The following CTNNA1 variants were observed in gnomAD, a reference collection of about 807,000 sequenced individuals.
CTNNA1 encodes catenin alpha 1.
Under a neutral mutation model 98.4 loss-of-function variants are expected in CTNNA1, and 37 were observed. That is an observed-to-expected ratio of 0.38 (90% CI 0.29 to 0.49). The LOEUF is 0.49. Among genes scored for constraint, CTNNA1 ranks in the 20% least tolerant of loss-of-function variants. The pLI, the probability that CTNNA1 is intolerant of heterozygous loss-of-function variation, is 0.95. For synonymous variants in CTNNA1, 404 were observed against 413.2 expected (o/e 0.98, Z 0.27); for missense variants, 761 against 1,147.2 (o/e 0.66, Z 4.86).
At chr5:138,929,707 C>CTAT (rs1374465951) in intron 14 of CTNNA1, among the ~76,000 whole-genome samples, 3 of 152,218 alleles carry the variant, frequency 2.0e-5, no homozygotes, top group Non-Finnish European at 2.9e-5. Context: ...TGGGTATGAA[C>CTAT]TATTTAATTA....
At chr5:138,766,995 T>G (rs1282731474) in intron 1 of CTNNA1, among the ~76,000 whole-genome samples, 1 of 152,008 alleles carries the variant, frequency 6.6e-6, no homozygotes, top group East Asian at 1.9e-4. Flanking sequence ...ATAGGAAGAA[T>G]AAAGCTGAAC....
chr5:138,905,093 C>CAA (rs781709207), intron 10 of CTNNA1, among the ~76,000 whole-genome samples: 1,063 of 58,170 alleles, frequency 0.018, 32 homozygotes, highest in African/African-American at 0.056. Context: ...GACTCCGTCT[C>CAA]AAAAAAAAAA....
chr5:138,787,171 C>T (rs1378897529), intron 3 of CTNNA1, among the ~76,000 whole-genome samples: 1 of 152,224 alleles, frequency 6.6e-6, no homozygotes, highest in African/African-American at 2.4e-5. Flanking sequence ...TGGCTCACGC[C>T]TGTAATCCCA....
At chr5:138,867,643 T>C (rs1450434691) in intron 7 of CTNNA1, among the ~76,000 whole-genome samples, 1 of 152,160 alleles carries the variant, frequency 6.6e-6, no homozygotes, top group Non-Finnish European at 1.5e-5. Context: ...TTCTCTTCCT[T>C]CTCGGCCTAC....
Position 138,934,216 on chromosome 5 carries a change from A to G in CTNNA1, c.*127A>G. 2.9e-6 allele frequency: 2 copies of G among 686,730 alleles called. No homozygotes were observed. Among genetic ancestry groups the G allele is most frequent in the East Asian group, 2.7e-5 (1 of 36,830 alleles). The allele number at this position is 686,730 out of a possible 1,614,324, so 42.5% of individuals were successfully genotyped here. On this transcript the variant is annotated 3_prime_UTR_variant, in exon 18 of 18. Coordinates refer to ENST00000302763, the MANE Select transcript of CTNNA1 (RefSeq NM_001903.5). ...CACAGGGAAATGGGCAGACTGAACCAGTCCAGGTGGTGAATTTTCCAAGAA... is the reference window on the plus strand; with the variant it reads ...CACAGGGAAATGGGCAGACTGAACCGGTCCAGGTGGTGAATTTTCCAAGAA...
At chr5:138,840,496 T>C (rs1762184285) in intron 7 of CTNNA1, among the ~76,000 whole-genome samples, 1 of 152,240 alleles carries the variant, frequency 6.6e-6, no homozygotes, top group South Asian at 2.1e-4. Context: ...ATAATATAGT[T>C]TCTCCTTCAG....
intron 1 of CTNNA1, among the ~76,000 whole-genome samples, chr5:138,768,136 G>A (rs1753134618): frequency 6.6e-6 from 1 of 152,108 alleles, no homozygotes; most frequent in African/African-American, 2.4e-5. Context: ...TATTGCATTC[G>A]ATTGTCGTAT....
chr5:138,899,745 TCTC>T (rs1254274185), intron 9 of CTNNA1, among the ~76,000 whole-genome samples: 1 of 152,206 alleles, frequency 6.6e-6, no homozygotes, highest in African/African-American at 2.4e-5. Flanking sequence ...TCTCTGAAGT[TCTC>T]CTTTCTCTTT....
chr5:138,811,602 C>T (rs1004635008), intron 4 of CTNNA1, among the ~76,000 whole-genome samples: 1 of 152,106 alleles, frequency 6.6e-6, no homozygotes, highest in Non-Finnish European at 1.5e-5. Context: ...GCCGAGATCA[C>T]GCCACTGCAC....
At chr5:138,801,918 A>G (rs1341753278) in intron 3 of CTNNA1, among the ~76,000 whole-genome samples, 1 of 152,212 alleles carries the variant, frequency 6.6e-6, no homozygotes, top group African/African-American at 2.4e-5. Flanking sequence ...AGAACTACTT[A>G]GTGAAGGCAA....
intron 1 of CTNNA1, among the ~76,000 whole-genome samples, chr5:138,775,178 T>G (rs1019311264): frequency 6.6e-5 from 10 of 152,216 alleles, no homozygotes; most frequent in Admixed American, 6.5e-5. Flanking sequence ...GTGTTTTGTT[T>G]GTGTTAATGC....
chr5:138,820,892 G>A (rs1051407384), intron 5 of CTNNA1, among the ~76,000 whole-genome samples: 8 of 152,166 alleles, frequency 5.3e-5, no homozygotes, highest in East Asian at 1.9e-4. Flanking sequence ...TAGAGGTTAC[G>A]TAATCTTGCA....
chr5:138,877,477 G>A (rs937897958), intron 7 of CTNNA1, among the ~76,000 whole-genome samples: 2 of 140,918 alleles, frequency 1.4e-5, no homozygotes, highest in Non-Finnish European at 3.0e-5. Context: ...GTCTCGCTCT[G>A]TCGCCCAGGC....
rs28363395 is a variant in CTNNA1 at position 138,812,260 on chromosome 5, T to G, written c.546T>G (p.Pro182=). 2.1e-3 allele frequency: 3,388 copies of G among 1,613,872 alleles called. 60 individuals are homozygous for G. In the African/African-American group the frequency reaches 0.041, roughly 19 times the overall value. Residue 182 remains proline (P), a synonymous_variant, in exon 5 of 18, where the codon CCT becomes CCG. Coordinates refer to ENST00000302763, the MANE Select transcript of CTNNA1 (RefSeq NM_001903.5). Reference sequence around the variant, plus strand: ...GAATCCAGTATAAAGCCCTAAAACCTGAAGTGGATAAGCTGAACATTATGG... The same window carrying G: ...GAATCCAGTATAAAGCCCTAAAACCGGAAGTGGATAAGCTGAACATTATGG... ...DLGIQYKALK[P]EVDKLNIMAA...
chr5:138,831,325 C>T lies in CTNNA1; in HGVS notation c.1062+3607C>T, dbSNP rs73263407. Among the ~76,000 whole-genome samples the T allele has an allele frequency of 3.5e-3, 539 of 152,296 alleles. 4 individuals carry two copies. The highest frequency in any genetic ancestry group is 0.011 in the African/African-American group (452 of 41,562). ...CAGACCAATTAAGTCAGAATCTCTG[C>T]GTCAAGATCCAAGCGTCAGTTATTT... On this transcript the variant is annotated intron_variant, in intron 7 of 17. Transcript: ENST00000302763.
At chr5:138,815,808 A>G (rs1315771760) in intron 5 of CTNNA1, among the ~76,000 whole-genome samples, 1 of 152,154 alleles carries the variant, frequency 6.6e-6, no homozygotes, top group Non-Finnish European at 1.5e-5. Flanking sequence ...CTGAAAGAGA[A>G]TTCACTGAGT....
intron 9 of CTNNA1, chr5:138,891,237 A>G (rs1012834746): frequency 6.6e-6 from 1 of 152,158 alleles, no homozygotes; most frequent in African/African-American, 2.4e-5. Context: ...TCATAGAATC[A>G]TAGGTTCTTA....
At chr5:138,788,099 C>A (rs779953875) in intron 3 of CTNNA1, among the ~76,000 whole-genome samples, 16 of 152,096 alleles carry the variant, frequency 1.1e-4, no homozygotes, top group Admixed American at 8.5e-4. Context: ...GTTTACCTCC[C>A]GTATCCCCCC....
chr5:138,857,582 A>C (rs1008035886), intron 7 of CTNNA1, among the ~76,000 whole-genome samples: 10 of 151,844 alleles, frequency 6.6e-5, no homozygotes, highest in African/African-American at 2.4e-4. Flanking sequence ...CTCCCAAAGT[A>C]CTGGCATTAC....
Sources: allele counts gnomAD v4.1 joint callset (sites outside exome capture counted in the v4.1 genomes callset), GRCh38; gene constraint gnomAD v4.1.1; transcripts MANE v1.5; gene names NCBI Gene and HGNC (gene_info 2026-07-23, HGNC 2026-07-21).